Variants in JMJD1C observed in about 807,000 individuals in gnomAD.
JMJD1C encodes jumonji domain containing 1C.
Under a neutral mutation model 245.3 loss-of-function variants are expected in JMJD1C, and 31 were observed. The observed-to-expected ratio is 0.13, with a 90% CI of 0.09 to 0.17. The LOEUF (loss-of-function observed/expected upper bound fraction) is 0.17, where lower values mean the gene tolerates loss of function less well. Among genes scored for constraint, JMJD1C ranks in the 10% least tolerant of loss-of-function variants. The pLI is 1.00. For missense variants in JMJD1C, 2,691 were observed against 3,000.2 expected (o/e 0.90, Z 2.41); for synonymous variants, 1,057 against 1,017.4 (o/e 1.04, Z -0.74).
intron 10 of JMJD1C, chr10:63,203,544 T>C (rs1319681212): frequency 4.1e-6 from 4 of 967,888 alleles, no homozygotes; most frequent in Non-Finnish European, 3.7e-6. Context: ...TTTTGTATTG[T>C]AGAATTTATA....
In JMJD1C at chr10:63,304,134, A is replaced by G. The variant is rs1374322577; in HGVS notation, c.334-39370T>C. Among the ~76,000 whole-genome samples, 5 of 152,344 alleles carry G rather than the reference A, an allele frequency of 3.3e-5. No homozygotes were observed. In the East Asian group the frequency reaches 9.6e-4, roughly 29 times the overall value. On this transcript the variant is annotated intron_variant, in intron 2 of 25. Transcript: ENST00000399262. ...TATCTTTCTATCAGAGTATTCTTAT[A>G]GTTAGTACTATATAAAATATCTTAA...
At chr10:63,511,847 A>G (rs1410881101) in intron 1 of JMJD1C, among the ~76,000 whole-genome samples, 1 of 152,234 alleles carries the variant, frequency 6.6e-6, no homozygotes, top group Non-Finnish European at 1.5e-5. Flanking sequence ...GGTATACTCA[A>G]GGAGCCCTGG....
intron 1 of JMJD1C, among the ~76,000 whole-genome samples, chr10:63,497,291 CTGA>C (rs1178326979): frequency 1.3e-5 from 2 of 152,064 alleles, no homozygotes; most frequent in Non-Finnish European, 2.9e-5. Flanking sequence ...TATCCATCAA[CTGA>C]TGATATAAAA....
intron 1 of JMJD1C, among the ~76,000 whole-genome samples, chr10:63,412,344 T>C (rs763457415): frequency 1.3e-5 from 2 of 152,240 alleles, no homozygotes; most frequent in African/African-American, 2.4e-5. Flanking sequence ...ACTGTACTTA[T>C]TGATTCCTAA....
intron 1 of JMJD1C, chr10:63,427,669 G>C: frequency 7.7e-7 from 1 of 1,301,884 alleles, no homozygotes; most frequent in Non-Finnish European, 1.1e-6. Context: ...TGGCTGGACC[G>C]AAATCCGCAG....
intron 5 of JMJD1C, among the ~76,000 whole-genome samples, chr10:63,216,892 C>A (rs571757065): frequency 1.5e-4 from 23 of 152,048 alleles, no homozygotes; most frequent in Admixed American, 7.2e-4. Flanking sequence ...ACTGGAGGGA[C>A]AGAAAAACTG....
chr10:63,288,671 G>A (rs1858265734), intron 2 of JMJD1C, among the ~76,000 whole-genome samples: 1 of 152,028 alleles, frequency 6.6e-6, no homozygotes, highest in African/African-American at 2.4e-5. Context: ...GGGAGGCCAA[G>A]GTGTTTGAGA....
chr10:63,379,700 A>C (rs1947056652), intron 2 of JMJD1C, among the ~76,000 whole-genome samples: 1 of 152,196 alleles, frequency 6.6e-6, no homozygotes, highest in South Asian at 2.1e-4. Flanking sequence ...CATACAGTCA[A>C]CTATCTCTCA....
intron 24 of JMJD1C, among the ~76,000 whole-genome samples, chr10:63,171,389 G>A (rs1842338955): frequency 6.6e-6 from 1 of 152,188 alleles, no homozygotes; most frequent in Non-Finnish European, 1.5e-5. Flanking sequence ...CTGTGGCTAT[G>A]CTGCTTTCCC....
chr10:63,260,595 A>G (rs778773823), intron 3 of JMJD1C, among the ~76,000 whole-genome samples: 1 of 151,868 alleles, frequency 6.6e-6, no homozygotes, highest in Non-Finnish European at 1.5e-5. Context: ...CAAAAAAAAA[A>G]CTATTTTTTT....
intron 21 of JMJD1C, 38 bp downstream of exon 21, chr10:63,184,570 A>G (rs751980419): frequency 1.9e-6 from 3 of 1,559,386 alleles, no homozygotes; most frequent in South Asian, 2.4e-5. Context: ...AAAATCCAAT[A>G]TAATTCCTAC....
chr10:63,289,803 G>T (rs1188394915), intron 2 of JMJD1C, among the ~76,000 whole-genome samples: 1 of 152,034 alleles, frequency 6.6e-6, no homozygotes, highest in Non-Finnish European at 1.5e-5. Context: ...ATAAATATTA[G>T]ATCACAGATG....
chr10:63,292,140 A>C, intron 2 of JMJD1C, among the ~76,000 whole-genome samples: 1 of 16,584 alleles, frequency 6.0e-5, no homozygotes. Context: ...TTCTGTAGAG[A>C]CAGATTTTTT....
intron 2 of JMJD1C, among the ~76,000 whole-genome samples, chr10:63,282,794 G>A (rs1273493421): frequency 6.6e-6 from 1 of 152,176 alleles, no homozygotes; most frequent in Non-Finnish European, 1.5e-5. Context: ...TCGGCTCACT[G>A]CAACCGCCGC....
rs1327199177 is a variant in JMJD1C at position 63,184,600 on chromosome 10, A to G, written c.6961+8T>C. On this transcript the variant is annotated splice_region_variant and intron_variant, in intron 21 of 25. Coordinates refer to ENST00000399262, the MANE Select transcript of JMJD1C (RefSeq NM_032776.3). ...TCCTACATGGGAGAAATGTGAATAT[A>G]TACCTACCATAGGCACTGCACAACC... 2 of 1,586,374 alleles carry G rather than the reference A, an allele frequency of 1.3e-6. No individual in the cohort carries two copies. The highest frequency in any genetic ancestry group is 1.4e-5 in the African/African-American group (1 of 72,950).
At chr10:63,291,268 A>C (rs1179893968) in intron 2 of JMJD1C, among the ~76,000 whole-genome samples, 1 of 126,606 alleles carries the variant, frequency 7.9e-6, no homozygotes, top group Non-Finnish European at 1.6e-5. Context: ...AGATAGCGCC[A>C]TTGCACTCCA....
rs141084470 is a variant in JMJD1C, at chr10:63,302,821, A to C, written c.334-38057T>G. 2.4e-3 allele frequency among the ~76,000 whole-genome samples: 366 copies of C among 152,356 alleles called. 3 individuals are homozygous for C. In the South Asian group the frequency reaches 0.029, roughly 12 times the overall value. ...TTATGGCCTCTTAAAAAGTAGATTC[A>C]AGTCACAATCAAATAATAATTACAC... On this transcript the variant is annotated intron_variant, in intron 2 of 25. Coordinates refer to ENST00000399262, the MANE Select transcript of JMJD1C (RefSeq NM_032776.3).
At chr10:63,479,906 T>C (rs1953777310) in intron 1 of JMJD1C, among the ~76,000 whole-genome samples, 1 of 152,144 alleles carries the variant, frequency 6.6e-6, no homozygotes, top group Non-Finnish European at 1.5e-5. Flanking sequence ...ACAATAATGA[T>C]CCCAGTAACC....
At chr10:63,177,566 C>A in intron 23 of JMJD1C, 151 bp downstream of exon 23, 2 of 727,608 alleles carry the variant, frequency 2.7e-6, no homozygotes, top group Non-Finnish European at 4.5e-6. Flanking sequence ...GCAAGAGAAA[C>A]AGGGTTTTGA....
Sources: gnomAD v4.1 joint callset for allele counts (sites outside exome capture counted in the v4.1 genomes callset) on GRCh38, gnomAD v4.1.1 for gene constraint, MANE v1.5 for transcripts, NCBI Gene and HGNC (gene_info 2026-07-23, HGNC 2026-07-21) for gene names.